SGCD: variants seen among roughly 807,000 people sequenced by gnomAD.
SGCD encodes the protein sarcoglycan delta.
SGCD carries 18 observed loss-of-function variants against 36.6 expected under a neutral mutation model. That is an observed-to-expected ratio of 0.49 (90% CI 0.34 to 0.73). The LOEUF is 0.73. Ranked by LOEUF, SGCD falls within the 30% of genes least tolerant of loss-of-function variation. The pLI, the probability that SGCD is intolerant of heterozygous loss-of-function variation, is 0.01. For synonymous variants in SGCD, 133 were observed against 130.6 expected, an observed-to-expected ratio of 1.02 and a Z score of -0.12; for missense variants, 387 against 346.7, an observed-to-expected ratio of 1.12 and a Z score of -0.92.
chr5:156,429,451 A>C lies in SGCD; in HGVS notation c.193-79150A>C, dbSNP rs192215122. On this transcript the variant is annotated intron_variant, in intron 3 of 8. Transcript: ENST00000337851. Reference sequence around the variant, plus strand: ...AAGACAGCAGATATTTGGTTGGTGAATTTTTATCCATTCTGCCATTCTGTG... The same window carrying C: ...AAGACAGCAGATATTTGGTTGGTGACTTTTTATCCATTCTGCCATTCTGTG... Among the ~76,000 whole-genome samples, 50 of 151,888 alleles carry C rather than the reference A, an allele frequency of 3.3e-4. No homozygotes were observed. The East Asian group carries it at 8.7e-3, about 26-fold the overall frequency.
chr5:156,676,338 T>G (rs1356705553), intron 7 of SGCD, among the ~76,000 whole-genome samples: 1 of 152,194 alleles, frequency 6.6e-6, no homozygotes, highest in Admixed American at 6.5e-5. Flanking sequence ...ATAAAGTGAC[T>G]GCTGTGTTTT....
At chr5:155,925,441 A>T (rs972440419) in intron 1 of SGCD, among the ~76,000 whole-genome samples, 1 of 152,104 alleles carries the variant, frequency 6.6e-6, no homozygotes, top group South Asian at 2.1e-4. Flanking sequence ...CAAGCAAAGG[A>T]TTGTTTCTTG....
At chr5:156,291,485 G>T (rs1766755785) in intron 3 of SGCD, among the ~76,000 whole-genome samples, 1 of 152,022 alleles carries the variant, frequency 6.6e-6, no homozygotes, top group Non-Finnish European at 1.5e-5. Context: ...AGACAGTTTG[G>T]TTTACAGACA....
intron 1 of SGCD, among the ~76,000 whole-genome samples, chr5:155,900,583 C>A (rs1756368334): frequency 7.1e-6 from 1 of 140,172 alleles, no homozygotes; most frequent in Non-Finnish European, 1.5e-5. Context: ...CCTCCCCCCA[C>A]TCCACAACAG....
chr5:156,132,536 C>T (rs1178209801), intron 3 of SGCD, among the ~76,000 whole-genome samples: 23 of 133,938 alleles, frequency 1.7e-4, no homozygotes, highest in Middle Eastern at 4.5e-3. Flanking sequence ...TGGCGCTATC[C>T]CGGCTCACTG....
chr5:156,321,111 A>G (rs1767651703), intron 3 of SGCD, among the ~76,000 whole-genome samples: 1 of 152,202 alleles, frequency 6.6e-6, no homozygotes, highest in African/African-American at 2.4e-5. Flanking sequence ...TAAAAAACAA[A>G]TTAAAAACAA....
intron 3 of SGCD, among the ~76,000 whole-genome samples, chr5:156,430,814 G>A (rs777725581): frequency 1.1e-4 from 17 of 152,224 alleles, no homozygotes; most frequent in Middle Eastern, 3.4e-3. Context: ...GGTTGTAGTC[G>A]TTATGTTCTT....
At chr5:156,444,104 CT>C (rs1753639877) in intron 3 of SGCD, among the ~76,000 whole-genome samples, 5 of 109,904 alleles carry the variant, frequency 4.5e-5, no homozygotes, top group African/African-American at 1.5e-4. Context: ...CTCTCTCTCT[CT>C]CTCTCTCTCT....
chr5:155,886,209 G>A (rs1363624713), intron 1 of SGCD, among the ~76,000 whole-genome samples: 1 of 152,184 alleles, frequency 6.6e-6, no homozygotes, highest in Non-Finnish European at 1.5e-5. Context: ...AAATACAGGG[G>A]TATAGGATAG....
chr5:155,757,791 A>G, the SGCD span, among the ~76,000 whole-genome samples: 2 of 152,122 alleles, frequency 1.3e-5, no homozygotes, highest in South Asian at 4.1e-4. Context: ...TCTCCACTCA[A>G]ATCTCATCTT....
intron 3 of SGCD, among the ~76,000 whole-genome samples, chr5:156,448,071 C>T (rs1296168416): frequency 6.6e-6 from 1 of 152,102 alleles, no homozygotes; most frequent in South Asian, 2.1e-4. Flanking sequence ...TTTTGACTTT[C>T]ACTGTATTCT....
At chr5:155,778,238 G>A in the SGCD span, among the ~76,000 whole-genome samples, 1 of 152,158 alleles carries the variant, frequency 6.6e-6, no homozygotes, top group East Asian at 1.9e-4. Context: ...TTTGTGTCTT[G>A]CATGGCTTAG....
chr5:155,776,144 AG>A, the SGCD span, among the ~76,000 whole-genome samples: 1 of 152,156 alleles, frequency 6.6e-6, no homozygotes, highest in African/African-American at 2.4e-5. Flanking sequence ...TTGATTACAA[AG>A]GTGGCAATTG....
the SGCD span, among the ~76,000 whole-genome samples, chr5:155,848,882 G>A: frequency 6.6e-6 from 1 of 152,096 alleles, no homozygotes; most frequent in African/African-American, 2.4e-5. Flanking sequence ...GAAACACCTG[G>A]CACATAAAAT....
intron 6 of SGCD, among the ~76,000 whole-genome samples, chr5:156,599,484 G>A (rs1179890495): frequency 6.6e-6 from 1 of 152,138 alleles, no homozygotes. Context: ...GTAGAAATAA[G>A]CAGTAGAGAC....
At chr5:156,586,830 A>T (rs755826517) in intron 4 of SGCD, among the ~76,000 whole-genome samples, 4 of 152,050 alleles carry the variant, frequency 2.6e-5, no homozygotes, top group Non-Finnish European at 5.9e-5. Context: ...TGTGCCAGCC[A>T]TTTCTCTAAG....
chr5:156,570,007 G>A (rs1052393567), intron 4 of SGCD, among the ~76,000 whole-genome samples: 8 of 152,166 alleles, frequency 5.3e-5, no homozygotes, highest in Non-Finnish European at 7.3e-5. Context: ...TTTCCCCCAT[G>A]AGAGTGACAT....
chr5:156,447,821 A>G (rs2127802372), intron 3 of SGCD, among the ~76,000 whole-genome samples: 1 of 152,302 alleles, frequency 6.6e-6, no homozygotes, highest in East Asian at 1.9e-4. Context: ...TAAAAGTCAT[A>G]GCAATCATTA....
At chr5:156,352,696 T>C (rs1333967910) in intron 3 of SGCD, among the ~76,000 whole-genome samples, 2 of 152,196 alleles carry the variant, frequency 1.3e-5, no homozygotes, top group Non-Finnish European at 2.9e-5. Context: ...TAAAAACTCA[T>C]ACAGGATTAA....
Sources: gnomAD v4.1 joint callset for allele counts (sites outside exome capture counted in the v4.1 genomes callset) on GRCh38, gnomAD v4.1.1 for gene constraint, MANE v1.5 for transcripts, NCBI Gene and HGNC (gene_info 2026-07-23, HGNC 2026-07-21) for gene names.